The following GPATCH8 variants were observed in gnomAD, a reference collection of about 807,000 sequenced individuals.
GPATCH8 encodes the protein G patch domain-containing protein 8.
A neutral mutation model predicts 118.3 loss-of-function variants in GPATCH8; 18 were observed. The observed-to-expected ratio is 0.15, with a 90% CI of 0.11 to 0.23. The LOEUF (loss-of-function observed/expected upper bound fraction) is 0.23. GPATCH8 is among the 10% of genes least tolerant of loss of function. The pLI, the probability that GPATCH8 is intolerant of heterozygous loss-of-function variation, is 1.00. For synonymous variants in GPATCH8, 659 were observed against 684.7 expected, an observed-to-expected ratio of 0.96 and a Z score of 0.59; for missense variants, 1,631 against 1,873.8, an observed-to-expected ratio of 0.87 and a Z score of 2.39.
In GPATCH8 at chr17:44,398,120, C is replaced by T. The variant is rs751201113; in HGVS notation, c.3957G>A (p.Lys1319=). ...PITFTPEEME[K]YSKLQQAAQQ... ...GAGCAGCCTGCTGGAGCTTGCTGTACTTCTCCATCTCCTCAGGGGTGAAGG... is the reference window on the plus strand; with the variant it reads ...GAGCAGCCTGCTGGAGCTTGCTGTATTTCTCCATCTCCTCAGGGGTGAAGG... The change falls in exon 8 of 8, where the codon AAG becomes AAA. Residue 1319 remains lysine (K), a synonymous_variant. Transcript: ENST00000591680. The T allele has an allele frequency of 2.5e-6, 4 of 1,614,034 alleles. No individual in the cohort carries two copies. Among genetic ancestry groups the T allele is most frequent in the East Asian group, 2.2e-5 (1 of 44,876 alleles).
rs747125923 is a variant in GPATCH8, at chr17:44,400,956, A to G, written c.1121T>C (p.Leu374Ser). The part of the protein sequence containing the change: ...PQDGGSLAST[L>S]SKLKRMKREE... Reference sequence around the variant, plus strand: ...TCGTTTCATCCTTTTTAATTTGGATAATGTTGAGGCAAGGGACCCTCCATC... The same window carrying G: ...TCGTTTCATCCTTTTTAATTTGGATGATGTTGAGGCAAGGGACCCTCCATC... The change falls in exon 8 of 8, where the codon TTA becomes TCA. Residue 374 changes from leucine (L) to serine (S), a missense_variant. Leu to Ser is a moderately radical substitution (Grantham distance 145). Coordinates refer to ENST00000591680, the MANE Select transcript of GPATCH8 (RefSeq NM_001002909.4). The G allele has an allele frequency of 6.2e-7, 1 of 1,614,054 alleles. No individual in the cohort carries two copies. The highest frequency in any genetic ancestry group is 8.5e-7 in the Non-Finnish European group (1 of 1,179,992).
At chr17:44,451,925 T>C (rs941596377) in intron 3 of GPATCH8, among the ~76,000 whole-genome samples, 1 of 152,100 alleles carries the variant, frequency 6.6e-6, no homozygotes, top group Admixed American at 6.6e-5. Context: ...TTACAGCATA[T>C]TGGTTAAAAG....
At chr17:44,427,618 G>A (rs893027602) in intron 5 of GPATCH8, among the ~76,000 whole-genome samples, 1 of 152,020 alleles carries the variant, frequency 6.6e-6, no homozygotes, top group Non-Finnish European at 1.5e-5. Flanking sequence ...ATATGAATTT[G>A]AGTTTGCTTA....
intron 1 of GPATCH8, among the ~76,000 whole-genome samples, chr17:44,484,867 T>C (rs1568059151): frequency 6.6e-6 from 1 of 152,136 alleles, no homozygotes; most frequent in African/African-American, 2.4e-5. Context: ...ATGTATTTGT[T>C]TGTGATTCAA....
chr17:44,442,615 C>A (rs556903273), intron 3 of GPATCH8, among the ~76,000 whole-genome samples: 98 of 152,306 alleles, frequency 6.4e-4, no homozygotes, highest in African/African-American at 2.3e-3. Flanking sequence ...CAAGTGCCTG[C>A]CACTACATCT....
chr17:44,402,897 G>A (rs2049081771), intron 7 of GPATCH8, among the ~76,000 whole-genome samples: 1 of 152,140 alleles, frequency 6.6e-6, no homozygotes, highest in Non-Finnish European at 1.5e-5. Context: ...AGCCTCAATA[G>A]TTTTAAACTG....
At chr17:44,414,115 A>ATGTG (rs770136100) in intron 6 of GPATCH8, among the ~76,000 whole-genome samples, 1 of 83,466 alleles carries the variant, frequency 1.2e-5, no homozygotes, top group Non-Finnish European at 2.6e-5. Context: ...GTATATATAT[A>ATGTG]TGTATATATA....
At chr17:44,411,699 T>G (rs894066560) in intron 6 of GPATCH8, among the ~76,000 whole-genome samples, 4 of 152,208 alleles carry the variant, frequency 2.6e-5, no homozygotes, top group African/African-American at 7.2e-5. Context: ...CCTCACCAGA[T>G]AGCAACTCTG....
intron 5 of GPATCH8, among the ~76,000 whole-genome samples, chr17:44,431,914 A>G (rs1402178086): frequency 6.6e-6 from 1 of 152,156 alleles, no homozygotes. Flanking sequence ...CGACAGAGTG[A>G]GATCCCATCT....
rs2050513336 is a variant in GPATCH8 at position 44,436,343 on chromosome 17, T to C, written c.261+135A>G. ...CACTAAATGAAAATGTAAAATATAT[T>C]TTTTAGTCATCCAAAGAAAAATATT... On this transcript the variant is annotated intron_variant, in intron 4 of 7. Coordinates refer to ENST00000591680, the MANE Select transcript of GPATCH8 (RefSeq NM_001002909.4). The C allele has an allele frequency of 1.0e-5, 7 of 685,806 alleles. No homozygotes were observed. In the South Asian group the frequency reaches 1.1e-4, roughly 11 times the overall value. The allele number at this position is 685,806 out of a possible 1,614,324, so 42.5% of individuals were successfully genotyped here.
chr17:44,450,871 T>C (rs1295641060), intron 3 of GPATCH8, among the ~76,000 whole-genome samples: 1 of 152,196 alleles, frequency 6.6e-6, no homozygotes, highest in Non-Finnish European at 1.5e-5. Flanking sequence ...AATAGTTGGT[T>C]GCTTCTTTAT....
chr17:44,402,324 C>CA (rs61316944), intron 7 of GPATCH8, among the ~76,000 whole-genome samples: 2,785 of 38,508 alleles, frequency 0.072, 189 homozygotes, highest in African/African-American at 0.14. Flanking sequence ...GACTCTGTCT[C>CA]AAAAAAAAAA....
chr17:44,420,152 TATTCTGTA>T (rs2049844310), intron 6 of GPATCH8, among the ~76,000 whole-genome samples: 2 of 152,076 alleles, frequency 1.3e-5, no homozygotes, highest in African/African-American at 4.8e-5. Flanking sequence ...CACAGATATA[TATTCTGTA>T]TTAGTGAACA....
rs756187132 is a variant in GPATCH8, at chr17:44,400,302, G to C, written c.1775C>G (p.Pro592Arg). ...KDARTKGTEK[P>R]KDIGSSSKDH... ...CTTTGAGGAGCTTCCTATATCCTTTGGTTTTTCTGTTCCTTTAGTTCTGGC... is the reference window on the plus strand; with the variant it reads ...CTTTGAGGAGCTTCCTATATCCTTTCGTTTTTCTGTTCCTTTAGTTCTGGC... The change falls in exon 8 of 8, where the codon CCA (proline) becomes CGA (arginine). Residue 592 changes from proline (P) to arginine (R), a missense_variant. Physicochemically the swap from Pro to Arg is moderately radical, Grantham distance 103 (BLOSUM62 -2). Transcript: ENST00000591680. The C allele has an allele frequency of 6.8e-6, 11 of 1,613,914 alleles. No individual in the cohort carries two copies. Among genetic ancestry groups the C allele is most frequent in the Non-Finnish European group, 9.3e-6 (11 of 1,179,880 alleles).
intron 3 of GPATCH8, 185 bp from the exon 4 acceptor site, chr17:44,436,730 T>C (rs1451058814): frequency 5.3e-5 from 33 of 618,176 alleles, no homozygotes; most frequent in Non-Finnish European, 9.3e-5. Context: ...TTAAACCCAA[T>C]TAACCACCTT....
chr17:44,426,835 AACAC>A (rs71361570), intron 5 of GPATCH8, among the ~76,000 whole-genome samples: 2 of 148,672 alleles, frequency 1.3e-5, no homozygotes, highest in African/African-American at 5.0e-5. Context: ...TCTCTTCAAC[AACAC>A]ACACACACAC....
intron 7 of GPATCH8, among the ~76,000 whole-genome samples, chr17:44,405,045 A>G (rs1017538616): frequency 6.6e-6 from 1 of 152,242 alleles, no homozygotes; most frequent in Non-Finnish European, 1.5e-5. Flanking sequence ...GAAAGAGGAT[A>G]CCGAATGTTC....
At chr17:44,412,959 T>C (rs2049503268) in intron 6 of GPATCH8, among the ~76,000 whole-genome samples, 1 of 152,178 alleles carries the variant, frequency 6.6e-6, no homozygotes, top group African/African-American at 2.4e-5. Context: ...GTCTCAGTGT[T>C]TGATGTTCAT....
intron 1 of GPATCH8, among the ~76,000 whole-genome samples, chr17:44,499,636 A>ATAGC (rs1366349649): frequency 6.6e-6 from 1 of 152,254 alleles, no homozygotes; most frequent in African/African-American, 2.4e-5. Flanking sequence ...ATGGCACCGT[A>ATAGC]TAGCTAGCTG....
Sources: allele counts gnomAD v4.1 joint callset (sites outside exome capture counted in the v4.1 genomes callset), GRCh38; gene constraint gnomAD v4.1.1; transcripts MANE v1.5; gene names NCBI Gene and HGNC (gene_info 2026-07-23, HGNC 2026-07-21).